The following GRID2 variants were observed in gnomAD, a reference collection of about 807,000 sequenced individuals.
The protein encoded by GRID2 is glutamate receptor ionotropic, delta-2.
A neutral mutation model predicts 114.8 loss-of-function variants in GRID2; 33 were observed. The ratio of observed to expected loss-of-function variants is 0.29; its 90% CI spans 0.22 to 0.38. The LOEUF is 0.38. GRID2 is among the 10% of genes least tolerant of loss of function. The probability of loss-of-function intolerance (pLI) is 1.00; values close to 1 mark genes in which losing one functional copy is unlikely to be tolerated. For missense variants in GRID2, 1,184 were observed against 1,257.7 expected, an observed-to-expected ratio of 0.94 and a Z score of 0.89; for synonymous variants, 505 against 449.9, an observed-to-expected ratio of 1.12 and a Z score of -1.55.
At chr4:92,884,918 G>T in intron 2 of GRID2, 1 of 355,846 alleles carries the variant, frequency 2.8e-6, no homozygotes, top group Non-Finnish European at 5.7e-6. Context: ...TGATAAGCTG[G>T]TGACATTTGG....
At chr4:93,517,556 T>C (rs148060069) in intron 13 of GRID2, among the ~76,000 whole-genome samples, 11 of 152,174 alleles carry the variant, frequency 7.2e-5, no homozygotes, top group African/African-American at 2.6e-4. Flanking sequence ...TGACAATTGA[T>C]TAGACAGAGA....
intron 2 of GRID2, among the ~76,000 whole-genome samples, chr4:92,775,752 T>A (rs960958371): frequency 1.4e-4 from 22 of 152,088 alleles, no homozygotes; most frequent in African/African-American, 5.3e-4. Context: ...AACCAGCAAA[T>A]AGGTTTAGTT....
intron 2 of GRID2, among the ~76,000 whole-genome samples, chr4:92,921,531 G>T (rs913961916): frequency 6.6e-6 from 1 of 152,054 alleles, no homozygotes; most frequent in Non-Finnish European, 1.5e-5. Flanking sequence ...TTTTGGTGTG[G>T]AAGTCCTTTC....
chr4:93,656,857 A>AAAAAC (rs1553973735), intron 14 of GRID2, among the ~76,000 whole-genome samples: 14 of 93,886 alleles, frequency 1.5e-4, no homozygotes, highest in South Asian at 3.3e-4. Context: ...AAAAAAAAAA[A>AAAAAC]CAAATAATTC....
At chr4:92,361,487 G>A (rs1728617818) in intron 1 of GRID2, among the ~76,000 whole-genome samples, 2 of 151,944 alleles carry the variant, frequency 1.3e-5, no homozygotes, top group South Asian at 4.1e-4. Context: ...TCTCAAGGAT[G>A]ATTTTCACAA....
chr4:93,380,611 AG>A (rs1763761813), intron 8 of GRID2, among the ~76,000 whole-genome samples: 1 of 151,864 alleles, frequency 6.6e-6, no homozygotes, highest in Non-Finnish European at 1.5e-5. Flanking sequence ...AAAAAGGAAA[AG>A]TTTTAAGATA....
intron 8 of GRID2, among the ~76,000 whole-genome samples, chr4:93,327,595 G>A (rs913509190): frequency 6.6e-5 from 10 of 151,996 alleles, no homozygotes; most frequent in African/African-American, 2.4e-4. Context: ...GCAGCAACAT[G>A]GATGGAACTG....
chr4:93,753,332 TA>T (rs1201204174), intron 14 of GRID2, among the ~76,000 whole-genome samples: 1 of 152,204 alleles, frequency 6.6e-6, no homozygotes, highest in Non-Finnish European at 1.5e-5. Flanking sequence ...TTATGCATCT[TA>T]GAAAAATTCT....
At chr4:92,384,530 TATATA>T (rs1251194193) in intron 1 of GRID2, among the ~76,000 whole-genome samples, 3 of 45,408 alleles carry the variant, frequency 6.6e-5, no homozygotes, top group South Asian at 5.6e-4. Context: ...TATAATATAA[TATATA>T]ATATAATATA....
chr4:93,758,134 TA>T (rs1560979994), intron 14 of GRID2, among the ~76,000 whole-genome samples: 1 of 152,028 alleles, frequency 6.6e-6, no homozygotes, highest in African/African-American at 2.4e-5. Flanking sequence ...AACACTCTAC[TA>T]AAAAAAGAAA....
chr4:93,505,317 T>C (rs890376724), intron 12 of GRID2, among the ~76,000 whole-genome samples: 1 of 152,212 alleles, frequency 6.6e-6, no homozygotes, highest in South Asian at 2.1e-4. Context: ...CCTATTTCAC[T>C]ACTGAAATCT....
intron 2 of GRID2, among the ~76,000 whole-genome samples, chr4:92,714,500 G>A (rs971842021): frequency 2.6e-5 from 4 of 152,090 alleles, no homozygotes; most frequent in Non-Finnish European, 5.9e-5. Flanking sequence ...CTGTGTGGGG[G>A]CTTCAACCCC....
At chr4:92,409,349 G>A (rs780441644) in intron 1 of GRID2, among the ~76,000 whole-genome samples, 3 of 151,942 alleles carry the variant, frequency 2.0e-5, no homozygotes, top group Non-Finnish European at 2.9e-5. Context: ...ACTCTATAAG[G>A]TGTCCAGTTC....
intron 2 of GRID2, among the ~76,000 whole-genome samples, chr4:92,774,687 C>CTG (rs1738704598): frequency 6.6e-6 from 1 of 150,894 alleles, no homozygotes; most frequent in Non-Finnish European, 1.5e-5. Flanking sequence ...TCTCCACCTC[C>CTG]CAGTCTCAAG....
chr4:92,678,475 A>G (rs934543682), intron 2 of GRID2, among the ~76,000 whole-genome samples: 1 of 152,110 alleles, frequency 6.6e-6, no homozygotes, highest in Non-Finnish European at 1.5e-5. Flanking sequence ...GAAGCAAGAA[A>G]TCTCACTCAA....
At chr4:92,723,144 CAAAAG>C (rs1268579080) in intron 2 of GRID2, among the ~76,000 whole-genome samples, 1 of 151,630 alleles carries the variant, frequency 6.6e-6, no homozygotes, top group Non-Finnish European at 1.5e-5. Context: ...AAACATGAAA[CAAAAG>C]GAAAGCTTAG....
At chr4:93,417,913 C>T (rs1767882743) in intron 9 of GRID2, among the ~76,000 whole-genome samples, 1 of 150,940 alleles carries the variant, frequency 6.6e-6, no homozygotes, top group Non-Finnish European at 1.5e-5. Flanking sequence ...GACAAGGGTG[C>T]TATGAGCATT....
At chr4:92,615,322 C>T (rs1729957539) in intron 2 of GRID2, among the ~76,000 whole-genome samples, 1 of 151,496 alleles carries the variant, frequency 6.6e-6, no homozygotes, top group Non-Finnish European at 1.5e-5. Context: ...GCCTATTGAC[C>T]TCATCTAAAT....
chr4:93,663,960 G>T (rs1444332316), intron 14 of GRID2, among the ~76,000 whole-genome samples: 2 of 152,092 alleles, frequency 1.3e-5, no homozygotes, highest in African/African-American at 4.8e-5. Flanking sequence ...CTGGATTCTA[G>T]TGCTACAAAG....
Sources: gnomAD v4.1 joint callset for allele counts (sites outside exome capture counted in the v4.1 genomes callset) on GRCh38, gnomAD v4.1.1 for gene constraint, MANE v1.5 for transcripts, NCBI Gene and HGNC (gene_info 2026-07-23, HGNC 2026-07-21) for gene names.